Variants in MRGPRX3 observed in about 807,000 individuals in gnomAD.
MRGPRX3 encodes mas-related G protein-coupled receptor member X3.
In MRGPRX3, 14 loss-of-function variants were observed where a neutral mutation model predicts 16.5. The ratio of observed to expected loss-of-function variants is 0.85; its 90% CI spans 0.56 to 1.33. The LOEUF (loss-of-function observed/expected upper bound fraction) is 1.33. Ranked by LOEUF, MRGPRX3 falls within the 40% of genes most tolerant of loss-of-function variation. The probability of loss-of-function intolerance (pLI) is 0.00; values close to 1 mark genes in which losing one functional copy is unlikely to be tolerated. For missense variants in MRGPRX3, 449 were observed against 413.0 expected, an observed-to-expected ratio of 1.09 and a Z score of -0.76; for synonymous variants, 199 against 180.1, an observed-to-expected ratio of 1.10 and a Z score of -0.84.
upstream of MRGPRX3, among the ~76,000 whole-genome samples, chr11:18,130,354 C>T (rs1848948885): frequency 6.6e-6 from 1 of 152,134 alleles, no homozygotes; most frequent in Non-Finnish European, 1.5e-5. Flanking sequence ...ACTAAATGTA[C>T]ACAAATCAGT....
Position 18,137,185 on chromosome 11 carries a change from A to G in MRGPRX3, c.-18A>G. The stretch of plus-strand genomic sequence containing the variant: ...TCTGGTTTCTGTTTCCAGGGTCATC[A>G]GACTGGGGTTTCTGAGCATGGATTC... On this transcript the variant is annotated 5_prime_UTR_variant, in exon 2 of 2. Transcript: ENST00000621697. 1 of 1,565,328 alleles carries G rather than the reference A, an allele frequency of 6.4e-7. No individual in the cohort carries two copies. The highest frequency in any genetic ancestry group is 8.7e-7 in the Non-Finnish European group (1 of 1,153,470).
Position 18,138,410 on chromosome 11 carries a change from T to C in MRGPRX3, c.*239T>C, listed in dbSNP as rs1450218648. ...TACCAATACATTTTCCCTGTTATCT[T>C]GCACTGAATCTTTCCTACTGAACAC... is the stretch of plus-strand genomic sequence containing the variant. On this transcript the variant is annotated 3_prime_UTR_variant, in exon 2 of 2. Coordinates refer to ENST00000621697, the MANE Select transcript of MRGPRX3 (RefSeq NM_001370464.1). The C allele has an allele frequency of 1.3e-5, 7 of 535,418 alleles. No homozygotes were observed. Among genetic ancestry groups the C allele is most frequent in the South Asian group, 4.4e-5 (1 of 22,510 alleles). The allele number at this position is 535,418 out of a possible 1,614,324, so 33.2% of individuals were successfully genotyped here.
At chr11:18,124,530 GA>G (rs1848871040) in intron 1 of MRGPRX3, among the ~76,000 whole-genome samples, 1 of 152,158 alleles carries the variant, frequency 6.6e-6, no homozygotes, top group Non-Finnish European at 1.5e-5. Context: ...GCATCCCAGG[GA>G]TGAAGCCCAC....
At chr11:18,129,524 A>G (rs2134082194), upstream of MRGPRX3, among the ~76,000 whole-genome samples, 1 of 152,336 alleles carries the variant, frequency 6.6e-6, no homozygotes, top group South Asian at 2.1e-4. Context: ...ATAAAAAGGA[A>G]TGAGATTGAA....
Position 18,137,254 on chromosome 11 carries a change from C to A in MRGPRX3, c.52C>A (p.Arg18Ser), listed in dbSNP as rs7932708. The change falls in exon 2 of 2, where the codon CGT becomes AGT. Residue 18 changes from arginine (R) to serine (S), a missense_variant. Coordinates refer to ENST00000621697, the MANE Select transcript of MRGPRX3 (RefSeq NM_001370464.1). ...TACAGAACTGACACCAATCAACGGA[C>A]GTGAGGAGACTCCTTGCTACAAGCA... The part of the protein sequence containing the change: ...LGTELTPING[R>S]EETPCYKQTL... 6.2e-6 allele frequency: 10 copies of A among 1,613,396 alleles called. No individual in the cohort carries two copies. Among genetic ancestry groups the A allele is most frequent in the African/African-American group, 1.3e-5 (1 of 74,880 alleles).
chr11:18,128,924 A>AC (rs550204371), upstream of MRGPRX3, among the ~76,000 whole-genome samples: 49 of 152,180 alleles, frequency 3.2e-4, 1 homozygote, highest in South Asian at 6.2e-3. Context: ...TCTTGGCTCC[A>AC]CCCCCCTCCT....
At chr11:18,134,912 A>C (rs1848994862) in intron 1 of MRGPRX3, among the ~76,000 whole-genome samples, 2 of 152,208 alleles carry the variant, frequency 1.3e-5, no homozygotes, top group Admixed American at 6.5e-5. Flanking sequence ...CTGCTTGTAC[A>C]TTCTCAGAAA....
intron 1 of MRGPRX3, among the ~76,000 whole-genome samples, chr11:18,134,681 C>A (rs1848993046): frequency 6.6e-6 from 1 of 152,166 alleles, no homozygotes; most frequent in Admixed American, 6.5e-5. Context: ...CTCCCCAGTT[C>A]CTAGAGAGTT....
Position 18,137,468 on chromosome 11 carries a change from A to G in MRGPRX3, c.266A>G (p.Asn89Ser), listed in dbSNP as rs767940312. 17 of 1,614,052 alleles carry G rather than the reference A, an allele frequency of 1.1e-5. No individual in the cohort carries two copies. The East Asian group carries it at 3.1e-4, about 30-fold the overall frequency. The change falls in exon 2 of 2, where the codon AAT becomes AGT. Residue 89 changes from asparagine to serine, a missense_variant. Transcript: ENST00000621697. ...HIICSPLRLI[N>S]IRHPISKILS... ...ATATGTTCGCCGTTACGCCTCATCA[A>G]TATCCGCCATCCCATCTCCAAAATC...
intron 1 of MRGPRX3, among the ~76,000 whole-genome samples, chr11:18,136,913 T>C (rs943783504): frequency 6.6e-6 from 1 of 152,130 alleles, no homozygotes; most frequent in African/African-American, 2.4e-5. Flanking sequence ...CAGCACTGGC[T>C]AGATGAGTGG....
At chr11:18,127,272 T>A (rs1848910387) in intron 1 of MRGPRX3, among the ~76,000 whole-genome samples, 1 of 152,234 alleles carries the variant, frequency 6.6e-6, no homozygotes, top group East Asian at 1.9e-4. Context: ...TCTCGAGGAG[T>A]ATCTTTGTGG....
chr11:18,134,999 C>T (rs1032788216), intron 1 of MRGPRX3, among the ~76,000 whole-genome samples: 1 of 152,178 alleles, frequency 6.6e-6, no homozygotes, highest in Non-Finnish European at 1.5e-5. Flanking sequence ...ATTCTGTGCT[C>T]ACATCAAGAT....
chr11:18,121,437 C>T (rs1398580608), intron 1 of MRGPRX3, among the ~76,000 whole-genome samples: 10 of 151,820 alleles, frequency 6.6e-5, no homozygotes, highest in African/African-American at 9.7e-5. Context: ...CCACACGCTC[C>T]GACCGGGAGG....
upstream of MRGPRX3, among the ~76,000 whole-genome samples, chr11:18,130,388 AC>A (rs1180961363): frequency 6.6e-6 from 1 of 152,158 alleles, no homozygotes; most frequent in East Asian, 1.9e-4. Context: ...ACCAACAGTG[AC>A]CAAGCTGAGA....
chr11:18,132,448 G>A (rs1023146014), upstream of MRGPRX3: 1 of 152,220 alleles, frequency 6.6e-6, no homozygotes, highest in African/African-American at 2.4e-5. Context: ...CGTGATAGGA[G>A]AGGCTTAAAT....
intron 1 of MRGPRX3, among the ~76,000 whole-genome samples, chr11:18,126,683 T>G (rs1848900516): frequency 1.3e-5 from 2 of 152,044 alleles, no homozygotes; most frequent in African/African-American, 4.8e-5. Context: ...GATGTTCCCC[T>G]TCCTGTGTCC....
upstream of MRGPRX3, among the ~76,000 whole-genome samples, chr11:18,127,743 G>C (rs1257715842): frequency 6.6e-6 from 1 of 152,180 alleles, no homozygotes; most frequent in Non-Finnish European, 1.5e-5. Context: ...GGAGTAGTTT[G>C]ATCGTCTGAA....
chr11:18,131,577 T>C (rs1245562282), upstream of MRGPRX3, among the ~76,000 whole-genome samples: 2 of 152,182 alleles, frequency 1.3e-5, no homozygotes, highest in Non-Finnish European at 2.9e-5. Flanking sequence ...ACTTTTACAC[T>C]GCTGGTGGGA....
chr11:18,133,369 C>T (rs574194484), intron 1 of MRGPRX3, among the ~76,000 whole-genome samples: 14 of 152,286 alleles, frequency 9.2e-5, no homozygotes, highest in African/African-American at 3.4e-4. Flanking sequence ...GCGTGGCCAA[C>T]GCACAGCCAC....
Sources: gnomAD v4.1 joint callset for allele counts (sites outside exome capture counted in the v4.1 genomes callset) on GRCh38, gnomAD v4.1.1 for gene constraint, MANE v1.5 for transcripts, NCBI Gene and HGNC (gene_info 2026-07-23, HGNC 2026-07-21) for gene names.